The following PPP2CA variants were observed in gnomAD, a reference collection of about 807,000 sequenced individuals.
The protein encoded by PPP2CA is serine/threonine-protein phosphatase 2A catalytic subunit alpha isoform.
Under a neutral mutation model 38.8 loss-of-function variants are expected in PPP2CA, and 5 were observed. The observed-to-expected ratio is 0.13, with a 90% confidence interval of 0.07 to 0.27. The LOEUF (loss-of-function observed/expected upper bound fraction) is 0.27, where lower values mean the gene tolerates loss of function less well. Ranked by LOEUF, PPP2CA falls within the 10% of genes least tolerant of loss-of-function variation. The pLI is 1.00. For missense variants in PPP2CA, 88 were observed against 389.7 expected (o/e 0.23, Z 6.52); for synonymous variants, 152 against 134.0 (o/e 1.13, Z -0.93).
chr5:134,200,373 G>C lies in PPP2CA; in HGVS notation c.700C>G (p.Leu234Val), dbSNP rs1338787432. ...ISETFNHANG[L>V]TLVSRAHQLV... ...TGGTGAGCTCTAGACACCAACGTGAGGCCATTGGCATGATTAAATGTCTCA... is the reference window on the plus strand; with the variant it reads ...TGGTGAGCTCTAGACACCAACGTGACGCCATTGGCATGATTAAATGTCTCA... The change falls in exon 5 of 7, where the codon CTC becomes GTC. Residue 234 changes from leucine (L) to valine (V), a missense_variant. Leu to Val is a conservative substitution (Grantham distance 32). Around this residue, in one of 4 missense-constraint regions of PPP2CA, gnomAD observed 36 missense variants for 259.8 expected, o/e 0.14. Coordinates refer to ENST00000481195, the MANE Select transcript of PPP2CA (RefSeq NM_002715.4). The C allele has an allele frequency of 6.2e-7, 1 of 1,613,984 alleles. No individual in the cohort carries two copies. The highest frequency in any genetic ancestry group is 8.5e-7 in the Non-Finnish European group (1 of 1,179,998).
At chr5:134,201,737 T>C in intron 3 of PPP2CA, 111 bp downstream of exon 3, 1 of 1,196,172 alleles carries the variant, frequency 8.4e-7, no homozygotes, top group Non-Finnish European at 1.2e-6. Flanking sequence ...TCAATATCTA[T>C]TAAAAAATAT....
At chr5:134,217,981 A>T (rs1386958497) in intron 1 of PPP2CA, among the ~76,000 whole-genome samples, 1 of 152,228 alleles carries the variant, frequency 6.6e-6, no homozygotes, top group African/African-American at 2.4e-5. Flanking sequence ...ACTAAACATA[A>T]ACAATATAAA....
At chr5:134,207,563 C>T (rs1365171772) in intron 1 of PPP2CA, among the ~76,000 whole-genome samples, 6 of 152,284 alleles carry the variant, frequency 3.9e-5, no homozygotes, top group Middle Eastern at 3.4e-3. Context: ...GACGCTAAGG[C>T]GGGTGGATGG....
intron 1 of PPP2CA, among the ~76,000 whole-genome samples, chr5:134,222,117 A>T (rs145857337): frequency 1.2e-4 from 19 of 152,352 alleles, no homozygotes; most frequent in African/African-American, 4.6e-4. Flanking sequence ...TAGGCTTAGA[A>T]TCCACAAGCC....
intron 1 of PPP2CA, among the ~76,000 whole-genome samples, chr5:134,223,560 G>A (rs1762493139): frequency 6.6e-6 from 1 of 151,946 alleles, no homozygotes; most frequent in Non-Finnish European, 1.5e-5. Flanking sequence ...CATCTTTTTT[G>A]GCACTCAGAA....
At chr5:134,211,252 A>G (rs1336585535) in intron 1 of PPP2CA, among the ~76,000 whole-genome samples, 1 of 152,082 alleles carries the variant, frequency 6.6e-6, no homozygotes, top group Non-Finnish European at 1.5e-5. Context: ...CACTGAGGAC[A>G]CTATCTTATT....
At chr5:134,209,767 G>T (rs1762164334) in intron 1 of PPP2CA, among the ~76,000 whole-genome samples, 1 of 87,258 alleles carries the variant, frequency 1.1e-5, no homozygotes, top group South Asian at 4.2e-4. Flanking sequence ...GACAGAGCAA[G>T]ACTCTGTCCA....
At chr5:134,208,847 C>T (rs1762140777) in intron 1 of PPP2CA, among the ~76,000 whole-genome samples, 1 of 152,150 alleles carries the variant, frequency 6.6e-6, no homozygotes, top group African/African-American at 2.4e-5. Flanking sequence ...TGTTCAGCAG[C>T]CTGCTTTTCT....
At chr5:134,197,914 A>G (rs1448066888) in intron 6 of PPP2CA, 70 bp from the exon 7 acceptor site, 7 of 1,329,188 alleles carry the variant, frequency 5.3e-6, no homozygotes, top group African/African-American at 2.9e-5. Context: ...GATCAAGAAC[A>G]TGAGTCTTCC....
intron 2 of PPP2CA, 50 bp from the exon 3 acceptor site, chr5:134,202,071 A>C (rs1251482547): frequency 1.3e-6 from 2 of 1,508,300 alleles, no homozygotes; most frequent in Non-Finnish European, 1.8e-6. Context: ...TCAAAAACCA[A>C]TGAAAATTCA....
At chr5:134,206,239 A>T (rs976545950) in intron 1 of PPP2CA, 108 bp from the exon 2 acceptor site, 40 of 922,044 alleles carry the variant, frequency 4.3e-5, no homozygotes, top group Admixed American at 4.0e-4. Flanking sequence ...TCAGTCTAAG[A>T]TAAAATTGCA....
intron 1 of PPP2CA, among the ~76,000 whole-genome samples, chr5:134,221,405 T>C (rs1165539952): frequency 6.6e-6 from 1 of 152,118 alleles, no homozygotes; most frequent in Non-Finnish European, 1.5e-5. Flanking sequence ...GTGAGCCACC[T>C]TGCCCTGCTG....
rs966977954 is a variant in PPP2CA, at chr5:134,214,656, C to A, written c.103-8525G>T. ...ACCATCAGTTATTTCTCCTCTTATA[C>A]AAGTTGTCCATGAATATTTTTGAAC... On this transcript the variant is annotated intron_variant, in intron 1 of 6. Transcript: ENST00000481195. 2.0e-5 allele frequency among the ~76,000 whole-genome samples: 3 copies of A among 152,144 alleles called. No homozygotes were observed. In the East Asian group the frequency reaches 5.8e-4, roughly 29 times the overall value.
At chr5:134,201,136 GCA>G in intron 3 of PPP2CA, 62 bp from the exon 4 acceptor site, 1 of 1,289,592 alleles carries the variant, frequency 7.8e-7, no homozygotes, top group East Asian at 2.3e-5. Flanking sequence ...TCTTGGCTGG[GCA>G]CAGTGGCTCA....
intron 1 of PPP2CA, among the ~76,000 whole-genome samples, chr5:134,224,959 C>T (rs1034901256): frequency 6.6e-6 from 1 of 152,304 alleles, no homozygotes; most frequent in South Asian, 2.1e-4. Flanking sequence ...TTATGTTGTT[C>T]ATTTTAAAAA....
intron 1 of PPP2CA, among the ~76,000 whole-genome samples, chr5:134,208,847 CCTG>C (rs1237950648): frequency 6.6e-6 from 1 of 152,150 alleles, no homozygotes; most frequent in Non-Finnish European, 1.5e-5. Flanking sequence ...TGTTCAGCAG[CCTG>C]CTTTTCTAAC....
intron 1 of PPP2CA, among the ~76,000 whole-genome samples, chr5:134,225,116 A>T (rs1296674524): frequency 1.3e-5 from 2 of 152,228 alleles, no homozygotes; most frequent in African/African-American, 4.8e-5. Flanking sequence ...ACTATGAAAA[A>T]TAAGTTACAC....
intron 1 of PPP2CA, among the ~76,000 whole-genome samples, chr5:134,210,536 T>C (rs1762181333): frequency 6.6e-6 from 1 of 152,148 alleles, no homozygotes; most frequent in Non-Finnish European, 1.5e-5. Flanking sequence ...AAAATTAAGA[T>C]AAAGTTTTTA....
chr5:134,225,587 G>A (rs964964309), intron 1 of PPP2CA, 173 bp downstream of exon 1: 3 of 523,798 alleles, frequency 5.7e-6, no homozygotes, highest in African/African-American at 2.0e-5. Flanking sequence ...CTGCGCGGGA[G>A]GCAGGGGGCG....
Sources: gnomAD v4.1 joint callset for allele counts (sites outside exome capture counted in the v4.1 genomes callset) on GRCh38, gnomAD v4.1.1 for gene constraint, gnomAD v4.1.1 regional missense constraint, MANE v1.5 for transcripts, NCBI Gene and HGNC (gene_info 2026-07-23, HGNC 2026-07-21) for gene names.